HPSE2: variants seen among roughly 807,000 people sequenced by gnomAD.
HPSE2 encodes the protein inactive heparanase-2.
HPSE2 carries 38 observed loss-of-function variants against 60.5 expected under a neutral mutation model. The observed-to-expected ratio is 0.63, with a 90% confidence interval of 0.48 to 0.82. HPSE2 has a LOEUF of 0.82. Among genes scored for constraint, HPSE2 ranks in the 40% least tolerant of loss-of-function variants. The pLI, the probability that HPSE2 is intolerant of heterozygous loss-of-function variation, is 0.00. For missense variants in HPSE2, 713 were observed against 740.4 expected, an observed-to-expected ratio of 0.96 and a Z score of 0.43; for synonymous variants, 295 against 293.2, an observed-to-expected ratio of 1.01 and a Z score of -0.06.
At chr10:98,573,044 G>T (rs1381549) in intron 9 of HPSE2, among the ~76,000 whole-genome samples, 6,992 of 152,282 alleles carry the variant, frequency 0.046, 168 homozygotes, top group South Asian at 0.083. Context: ...GTAGCAGAAA[G>T]GGCACTAGAT....
chr10:98,725,728 G>T (rs1037870872), intron 4 of HPSE2, among the ~76,000 whole-genome samples: 1 of 151,996 alleles, frequency 6.6e-6, no homozygotes, highest in Non-Finnish European at 1.5e-5. Flanking sequence ...GAAAATTTTT[G>T]CAACCTACTC....
In HPSE2 at chr10:98,700,080, T is replaced by C. The variant is rs367728281; in HGVS notation, c.957-6133A>G. On this transcript the variant is annotated intron_variant, in intron 5 of 11. Transcript: ENST00000370552. ...TGGCCATACTGCCCAAGGTAATTTA[T>C]AGATTCAATGCCATCCCCATCAAGC... 1.2e-3 allele frequency among the ~76,000 whole-genome samples: 177 copies of C among 151,142 alleles called. 2 individuals are homozygous for C. In the East Asian group the frequency reaches 0.025, roughly 21 times the overall value.
intron 4 of HPSE2, 114 bp from the exon 5 acceptor site, chr10:98,721,942 A>T: frequency 1.1e-6 from 1 of 910,306 alleles, no homozygotes. Flanking sequence ...AAAAAACAAT[A>T]AAAAAGTGGG....
intron 3 of HPSE2, among the ~76,000 whole-genome samples, chr10:98,886,573 T>C (rs921406682): frequency 6.6e-6 from 1 of 151,516 alleles, no homozygotes; most frequent in Non-Finnish European, 1.5e-5. Context: ...TGGCAAACGT[T>C]AGGAAGATTC....
At chr10:98,650,081 C>T (rs922363491) in intron 6 of HPSE2, among the ~76,000 whole-genome samples, 1 of 152,188 alleles carries the variant, frequency 6.6e-6, no homozygotes, top group Admixed American at 6.5e-5. Context: ...AGGGGAATGC[C>T]AAAACGATGT....
At chr10:98,813,826 A>G (rs1951222917) in intron 3 of HPSE2, among the ~76,000 whole-genome samples, 1 of 152,192 alleles carries the variant, frequency 6.6e-6, no homozygotes, top group Non-Finnish European at 1.5e-5. Context: ...ACCAATCAAT[A>G]TCTTGAAAAT....
chr10:98,566,469 GCC>G (rs1944348386), intron 9 of HPSE2, among the ~76,000 whole-genome samples: 1 of 152,174 alleles, frequency 6.6e-6, no homozygotes, highest in Admixed American at 6.5e-5. Context: ...CTTTCTAGTG[GCC>G]TTCAAGCTAC....
At chr10:99,208,978 C>T (rs1589823734) in intron 2 of HPSE2, among the ~76,000 whole-genome samples, 1 of 152,266 alleles carries the variant, frequency 6.6e-6, no homozygotes, top group Non-Finnish European at 1.5e-5. Context: ...GTGCAACAAA[C>T]ATTGCAGCAC....
At chr10:98,942,791 T>C (rs568850406) in intron 3 of HPSE2, among the ~76,000 whole-genome samples, 108 of 152,174 alleles carry the variant, frequency 7.1e-4, no homozygotes, top group African/African-American at 2.6e-3. Flanking sequence ...CGTATGTTTA[T>C]TGCGGCACTA....
chr10:98,524,752 T>C (rs1188025775), intron 9 of HPSE2, among the ~76,000 whole-genome samples: 1 of 152,244 alleles, frequency 6.6e-6, no homozygotes, highest in Admixed American at 6.5e-5. Context: ...ACAAAATACA[T>C]ATGTGTGTAT....
intron 3 of HPSE2, among the ~76,000 whole-genome samples, chr10:98,972,301 T>A (rs1432916251): frequency 6.6e-6 from 1 of 152,096 alleles, no homozygotes; most frequent in African/African-American, 2.4e-5. Context: ...CTCTTGTTGA[T>A]TACAGACATA....
At chr10:98,879,871 G>GTGTT (rs1252838294) in intron 3 of HPSE2, among the ~76,000 whole-genome samples, 1 of 151,478 alleles carries the variant, frequency 6.6e-6, no homozygotes, top group African/African-American at 2.4e-5. Context: ...GTGTGTGTGT[G>GTGTT]TGTGTGTGTG....
At chr10:98,975,549 A>C (rs763232465) in intron 3 of HPSE2, among the ~76,000 whole-genome samples, 1 of 152,148 alleles carries the variant, frequency 6.6e-6, no homozygotes, top group Non-Finnish European at 1.5e-5. Context: ...TGAGATTAGA[A>C]TGTTGAAATA....
At chr10:98,519,760 G>T (rs1212545518) in intron 9 of HPSE2, among the ~76,000 whole-genome samples, 1 of 152,190 alleles carries the variant, frequency 6.6e-6, no homozygotes, top group East Asian at 1.9e-4. Context: ...ACCAGCCACA[G>T]AGACATTTTC....
At chr10:98,626,710 T>A (rs1296230510) in intron 7 of HPSE2, among the ~76,000 whole-genome samples, 1 of 152,198 alleles carries the variant, frequency 6.6e-6, no homozygotes, top group Non-Finnish European at 1.5e-5. Flanking sequence ...TTCAAGAACC[T>A]ACTGTACTTA....
chr10:98,600,915 A>ATGTGTGTGTG (rs1554950550), intron 9 of HPSE2, among the ~76,000 whole-genome samples: 1,023 of 33,562 alleles, frequency 0.03, 14 homozygotes, highest in African/African-American at 0.046. Flanking sequence ...GTGTGTGTAT[A>ATGTGTGTGTG]TATATATATA....
intron 3 of HPSE2, among the ~76,000 whole-genome samples, chr10:98,988,029 T>C (rs1010171592): frequency 2.3e-4 from 35 of 152,348 alleles, no homozygotes; most frequent in African/African-American, 7.9e-4. Flanking sequence ...TCCATGCTCA[T>C]GGATAGGAAG....
intron 11 of HPSE2, among the ~76,000 whole-genome samples, chr10:98,462,816 G>C (rs1351197654): frequency 6.6e-6 from 1 of 152,062 alleles, no homozygotes; most frequent in Non-Finnish European, 1.5e-5. Context: ...CTATCCACAA[G>C]CTGATGCTCC....
intron 9 of HPSE2, among the ~76,000 whole-genome samples, chr10:98,524,220 GAC>G (rs1942887877): frequency 6.6e-6 from 1 of 152,166 alleles, no homozygotes; most frequent in South Asian, 2.1e-4. Flanking sequence ...GGGATAATGG[GAC>G]ACGCGCATGA....
Sources: gnomAD v4.1 joint callset for allele counts (sites outside exome capture counted in the v4.1 genomes callset) on GRCh38, gnomAD v4.1.1 for gene constraint, MANE v1.5 for transcripts, NCBI Gene and HGNC (gene_info 2026-07-23, HGNC 2026-07-21) for gene names.